The following PIP4K2B variants were observed in gnomAD, a reference collection of about 807,000 sequenced individuals.
The protein encoded by PIP4K2B is phosphatidylinositol 5-phosphate 4-kinase type-2 beta.
Under a neutral mutation model 42.0 loss-of-function variants are expected in PIP4K2B, and 3 were observed. The observed-to-expected ratio is 0.07, with a 90% confidence interval of 0.03 to 0.18. The LOEUF (loss-of-function observed/expected upper bound fraction) is 0.18. Ranked by LOEUF, PIP4K2B falls within the 10% of genes least tolerant of loss-of-function variation. The probability of loss-of-function intolerance (pLI) is 1.00; values close to 1 mark genes in which losing one functional copy is unlikely to be tolerated. For synonymous variants in PIP4K2B, 204 were observed against 210.1 expected (o/e 0.97, Z 0.25); for missense variants, 332 against 562.3 (o/e 0.59, Z 4.14).
At chr17:38,788,466 C>T (rs1301121006) in intron 1 of PIP4K2B, among the ~76,000 whole-genome samples, 1 of 151,944 alleles carries the variant, frequency 6.6e-6, no homozygotes, top group African/African-American at 2.4e-5. Flanking sequence ...TCCCAAAGTG[C>T]TGGGATTACA....
chr17:38,782,505 G>GT (rs1909769839), intron 3 of PIP4K2B, among the ~76,000 whole-genome samples: 1 of 152,192 alleles, frequency 6.6e-6, no homozygotes, highest in Admixed American at 6.5e-5. Context: ...GTGGCAAGAA[G>GT]TTTCCAGAAA....
At chr17:38,797,406 T>A (rs1910709995) in intron 1 of PIP4K2B, among the ~76,000 whole-genome samples, 2 of 152,108 alleles carry the variant, frequency 1.3e-5, no homozygotes, top group Non-Finnish European at 2.9e-5. Flanking sequence ...GGACTATACT[T>A]CGCATCTATC....
At chr17:38,797,474 C>T (rs1910715180) in intron 1 of PIP4K2B, among the ~76,000 whole-genome samples, 1 of 152,340 alleles carries the variant, frequency 6.6e-6, no homozygotes, top group African/African-American at 2.4e-5. Flanking sequence ...CAAGACCAGC[C>T]ACTCAGGCAC....
intron 1 of PIP4K2B, among the ~76,000 whole-genome samples, chr17:38,790,185 C>T (rs1208487079): frequency 6.6e-6 from 1 of 151,998 alleles, no homozygotes; most frequent in Admixed American, 6.6e-5. Flanking sequence ...CTCCCAATAG[C>T]CAAAAAAAAC....
chr17:38,799,249 G>A lies in PIP4K2B; in HGVS notation c.159+17C>T. The A allele has an allele frequency of 6.3e-7, 1 of 1,576,622 alleles. No homozygotes were observed. Among genetic ancestry groups the A allele is most frequent in the Non-Finnish European group, 8.6e-7 (1 of 1,164,236 alleles). On this transcript the variant is annotated intron_variant, in intron 1 of 9. Transcript: ENST00000619039. The surrounding 1 kb of genome is among the most constrained non-coding windows in gnomAD (Gnocchi z 4.4). ...CGCGCGGGGCCGCGCTCAGAGGGGC[G>A]CGCAGGAGCTGGTTACCGTGTGGTT...
intron 1 of PIP4K2B, among the ~76,000 whole-genome samples, chr17:38,794,505 A>G (rs1218680813): frequency 6.6e-6 from 1 of 150,406 alleles, no homozygotes; most frequent in Non-Finnish European, 1.5e-5. Context: ...TTAAAAAAAA[A>G]AAAAGAAGAA....
intron 1 of PIP4K2B, among the ~76,000 whole-genome samples, chr17:38,791,979 C>G (rs1382076231): frequency 2.0e-5 from 3 of 151,700 alleles, no homozygotes; most frequent in African/African-American, 7.3e-5. Context: ...ACCTGTAGTC[C>G]CAGCTACTCG....
At chr17:38,789,313 TC>T (rs765652534) in intron 1 of PIP4K2B, among the ~76,000 whole-genome samples, 117 of 152,312 alleles carry the variant, frequency 7.7e-4, no homozygotes, top group Admixed American at 2.1e-3. Context: ...ATCCTGCCCT[TC>T]CCCACCTCGA....
rs1376412453 is a variant in PIP4K2B, at chr17:38,766,528, G to A, written c.*3163C>T. ...AGGCAGGGCAGGAGTGTAGCCTCACGCCCTGAGCGCTACCAGCAGGCCTGT... is the reference window on the plus strand; with the variant it reads ...AGGCAGGGCAGGAGTGTAGCCTCACACCCTGAGCGCTACCAGCAGGCCTGT... On this transcript the variant is annotated 3_prime_UTR_variant, in exon 10 of 10. Coordinates refer to ENST00000619039, the MANE Select transcript of PIP4K2B (RefSeq NM_003559.5). 1 of 152,674 alleles carries A rather than the reference G, an allele frequency of 6.5e-6. No individual in the cohort carries two copies. Among genetic ancestry groups the A allele is most frequent in the Admixed American group, 6.5e-5 (1 of 15,274 alleles). 9.5% of individuals were successfully genotyped at this position (152,674 alleles called of 1,614,324 possible).
intron 2 of PIP4K2B, 34 bp from the exon 3 acceptor site, chr17:38,784,373 G>T: frequency 8.8e-7 from 1 of 1,133,074 alleles, no homozygotes; most frequent in Non-Finnish European, 1.3e-6. Context: ...TTTGTGAACT[G>T]CCCCTTGCTC....
At chr17:38,797,655 G>A (rs1248700838) in intron 1 of PIP4K2B, among the ~76,000 whole-genome samples, 1 of 152,194 alleles carries the variant, frequency 6.6e-6, no homozygotes, top group Non-Finnish European at 1.5e-5. Context: ...GCCTCTACCA[G>A]TTCTCTACAG....
chr17:38,787,869 A>G (rs1030075199), intron 1 of PIP4K2B, among the ~76,000 whole-genome samples: 1 of 152,208 alleles, frequency 6.6e-6, no homozygotes, highest in African/African-American at 2.4e-5. Flanking sequence ...AAGTGTTGGG[A>G]TTACAGGCGT....
intron 1 of PIP4K2B, among the ~76,000 whole-genome samples, chr17:38,793,094 A>C (rs552079478): frequency 3.2e-4 from 49 of 151,870 alleles, no homozygotes; most frequent in East Asian, 2.3e-3. Flanking sequence ...ACACCCGGCA[A>C]ATTTTTGTAT....
chr17:38,784,406 TA>T, intron 2 of PIP4K2B, 67 bp from the exon 3 acceptor site: 1 of 868,342 alleles, frequency 1.2e-6, no homozygotes, highest in Admixed American at 2.4e-5. Flanking sequence ...TTATTATTAT[TA>T]TTTTTTGTAA....
rs376829321 is a variant in PIP4K2B, at chr17:38,785,652, C to T, written c.257+1171G>A. 2.6e-4 allele frequency among the ~76,000 whole-genome samples: 40 copies of T among 152,312 alleles called. 1 individual carries two copies. The highest frequency in any genetic ancestry group is 1.5e-3 in the East Asian group (8 of 5,192). ...CAAGATCGTGCCACTGCACTACAGC[C>T]TGGGCAACAAGAGTGAAACTGTCTC... On this transcript the variant is annotated intron_variant, in intron 2 of 9. Transcript: ENST00000619039.
intron 1 of PIP4K2B, among the ~76,000 whole-genome samples, chr17:38,796,131 C>A (rs1910650099): frequency 6.6e-6 from 1 of 152,100 alleles, no homozygotes; most frequent in African/African-American, 2.4e-5. Context: ...GAGTGAGACT[C>A]CATCACAAAA....
At chr17:38,779,612 C>T in intron 4 of PIP4K2B, 83 bp from the exon 5 acceptor site, 1 of 1,227,080 alleles carries the variant, frequency 8.1e-7, no homozygotes, top group South Asian at 1.3e-5. Context: ...CTAAAATGCT[C>T]CCTGGCTCCC....
At chr17:38,796,082 G>GA (rs1382610984) in intron 1 of PIP4K2B, among the ~76,000 whole-genome samples, 1 of 152,164 alleles carries the variant, frequency 6.6e-6, no homozygotes, top group Non-Finnish European at 1.5e-5. Context: ...AGGTTGCGGT[G>GA]AGCCGAGATT....
intron 1 of PIP4K2B, among the ~76,000 whole-genome samples, chr17:38,789,322 C>A (rs374132635): frequency 1.3e-5 from 2 of 152,224 alleles, no homozygotes; most frequent in African/African-American, 4.8e-5. Flanking sequence ...TTCCCCACCT[C>A]GAGTTTAGCC....
Sources: gnomAD v4.1 joint callset for allele counts (sites outside exome capture counted in the v4.1 genomes callset) on GRCh38, gnomAD v4.1.1 for gene constraint, Gnocchi (gnomAD v3.1) non-coding constraint, MANE v1.5 for transcripts, NCBI Gene and HGNC (gene_info 2026-07-23, HGNC 2026-07-21) for gene names.